The following RPS6KA2 variants were observed in gnomAD, a reference collection of about 807,000 sequenced individuals.
RPS6KA2 encodes ribosomal protein S6 kinase alpha-2.
RPS6KA2 carries 42 observed loss-of-function variants against 91.8 expected under a neutral mutation model. The ratio of observed to expected loss-of-function variants is 0.46; its 90% CI spans 0.36 to 0.59. RPS6KA2 has a LOEUF of 0.59. Among genes scored for constraint, RPS6KA2 ranks in the 20% least tolerant of loss-of-function variants. The probability of loss-of-function intolerance (pLI) is 0.00; values close to 1 mark genes in which losing one functional copy is unlikely to be tolerated. For synonymous variants in RPS6KA2, 414 were observed against 393.6 expected, an observed-to-expected ratio of 1.05 and a Z score of -0.61; for missense variants, 798 against 978.5, an observed-to-expected ratio of 0.82 and a Z score of 2.46.
At chr6:166,688,509 C>T (rs1789093733) in intron 2 of RPS6KA2, among the ~76,000 whole-genome samples, 1 of 152,208 alleles carries the variant, frequency 6.6e-6, no homozygotes, top group African/African-American at 2.4e-5. Context: ...GCCACGTGTG[C>T]CCCCTAGCAA....
chr6:166,728,588 G>GACTC (rs1315371691), intron 2 of RPS6KA2, among the ~76,000 whole-genome samples: 2 of 152,178 alleles, frequency 1.3e-5, no homozygotes, highest in Admixed American at 1.3e-4. Flanking sequence ...CCGTCAGCCA[G>GACTC]ACTCACACCC....
At chr6:166,754,738 A>C (rs1350065868) in intron 2 of RPS6KA2, among the ~76,000 whole-genome samples, 1 of 152,176 alleles carries the variant, frequency 6.6e-6, no homozygotes, top group Non-Finnish European at 1.5e-5. Context: ...TCAGATGCGG[A>C]AAATGACAAG....
At chr6:166,744,603 C>A (rs988811947) in intron 2 of RPS6KA2, among the ~76,000 whole-genome samples, 1 of 152,190 alleles carries the variant, frequency 6.6e-6, no homozygotes, top group Non-Finnish European at 1.5e-5. Flanking sequence ...GCAGCAGGGC[C>A]CACCCTGTGG....
At chr6:166,469,326 GTTTTTTTTT>G (rs60876703) in intron 11 of RPS6KA2, among the ~76,000 whole-genome samples, 1 of 137,782 alleles carries the variant, frequency 7.3e-6, no homozygotes, top group South Asian at 2.3e-4. Context: ...CGGCACTGTT[GTTTTTTTTT>G]TTTTTTTTTA....
intron 1 of RPS6KA2, among the ~76,000 whole-genome samples, chr6:166,545,011 C>T (rs1398576916): frequency 6.6e-6 from 1 of 152,088 alleles, no homozygotes; most frequent in Non-Finnish European, 1.5e-5. Context: ...AATAAATCTG[C>T]TACAAAATCA....
chr6:166,600,587 A>C (rs892052700), intron 1 of RPS6KA2, among the ~76,000 whole-genome samples: 1 of 152,258 alleles, frequency 6.6e-6, no homozygotes, highest in Non-Finnish European at 1.5e-5. Context: ...CAGGAAGTCC[A>C]CCTGATTATC....
intron 14 of RPS6KA2, among the ~76,000 whole-genome samples, chr6:166,438,024 C>G (rs993934002): frequency 1.3e-5 from 2 of 152,224 alleles, no homozygotes; most frequent in Non-Finnish European, 2.9e-5. Flanking sequence ...TTGCAGAACA[C>G]TCCCACTAGG....
rs7759493 is a variant in RPS6KA2, at chr6:166,498,231, C to T, written c.747+277G>A. 3.4e-4 allele frequency among the ~76,000 whole-genome samples: 52 copies of T among 152,336 alleles called. 1 individual carries two copies. The highest frequency in any genetic ancestry group is 2.8e-3 in the Admixed American group (43 of 15,304). On this transcript the variant is annotated intron_variant, in intron 8 of 20. Transcript: ENST00000265678. ...ATCATGGCATCTCTTGTAATCATCACGCTAAGCCCGAAGAGCACAAAGCAT... is the reference window on the plus strand; with the variant it reads ...ATCATGGCATCTCTTGTAATCATCATGCTAAGCCCGAAGAGCACAAAGCAT...
chr6:166,739,940 C>G (rs1243123952), intron 2 of RPS6KA2, among the ~76,000 whole-genome samples: 5 of 152,222 alleles, frequency 3.3e-5, no homozygotes, highest in African/African-American at 1.2e-4. Flanking sequence ...GTGGATGACA[C>G]CAGCACCTTC....
At chr6:166,473,541 T>C (rs1780849602) in intron 10 of RPS6KA2, among the ~76,000 whole-genome samples, 1 of 152,186 alleles carries the variant, frequency 6.6e-6, no homozygotes, top group Non-Finnish European at 1.5e-5. Context: ...CTCCATATTT[T>C]TCACGAGGTA....
chr6:166,649,633 T>C (rs368804366), intron 2 of RPS6KA2, among the ~76,000 whole-genome samples: 68 of 152,306 alleles, frequency 4.5e-4, no homozygotes, highest in African/African-American at 1.6e-3. Flanking sequence ...GAATTATACC[T>C]TACTCACTCA....
rs74783936 is a variant in RPS6KA2, at chr6:166,521,977, T to A, written c.298+9255A>T. ...AGAAATGAGACCCCAGAGAGCTCAT[T>A]CATGCCTTCCATCAAGTGAGGACAC... is the stretch of plus-strand genomic sequence containing the variant. On this transcript the variant is annotated intron_variant, in intron 3 of 20. Coordinates refer to ENST00000265678, the MANE Select transcript of RPS6KA2 (RefSeq NM_021135.6). 4.7e-3 allele frequency among the ~76,000 whole-genome samples: 715 copies of A among 152,272 alleles called. 3 individuals are homozygous for A. The highest frequency in any genetic ancestry group is 0.014 in the African/African-American group (602 of 41,534).
At chr6:166,846,230 A>C (rs1780601506) in intron 2 of RPS6KA2, among the ~76,000 whole-genome samples, 1 of 22,660 alleles carries the variant, frequency 4.4e-5, no homozygotes, top group Admixed American at 4.0e-4. Context: ...AATTGCCAAC[A>C]AAAAAAAAGT....
chr6:166,770,749 T>A lies in RPS6KA2; in HGVS notation c.123+87451A>T, dbSNP rs557737338. The A allele has an allele frequency of 2.0e-6, 2 of 1,019,332 alleles. No individual in the cohort carries two copies. The highest frequency in any genetic ancestry group is 1.5e-5 in the South Asian group (1 of 64,912). 63.1% of individuals were successfully genotyped at this position (1,019,332 alleles called of 1,614,324 possible). ...CTCTTCGCACCTTGCCTTGCTGGACTCCGGGCACCGTGAAACAACTCAATA... is the reference window on the plus strand; with the variant it reads ...CTCTTCGCACCTTGCCTTGCTGGACACCGGGCACCGTGAAACAACTCAATA... On this transcript the variant is annotated intron_variant, in intron 2 of 21. Transcript: ENST00000503859. This position sits in a 1 kb window ranked among gnomAD's most constrained non-coding sequence, Gnocchi z 5.1.
chr6:166,471,653 C>T (rs913794242), intron 10 of RPS6KA2, among the ~76,000 whole-genome samples: 3 of 152,238 alleles, frequency 2.0e-5, no homozygotes, highest in Non-Finnish European at 2.9e-5. Context: ...CTCAGTCATC[C>T]GATGCACAAT....
intron 10 of RPS6KA2, among the ~76,000 whole-genome samples, chr6:166,471,091 A>C (rs1780750572): frequency 6.6e-6 from 1 of 151,874 alleles, no homozygotes; most frequent in East Asian, 1.9e-4. Flanking sequence ...TCCGCTGCCA[A>C]CTCCTAACGG....
chr6:166,591,407 G>A (rs1279264418), intron 1 of RPS6KA2, among the ~76,000 whole-genome samples: 1 of 152,208 alleles, frequency 6.6e-6, no homozygotes, highest in East Asian at 1.9e-4. Flanking sequence ...CGTGTTGCAT[G>A]TCTTGACTTG....
chr6:166,468,875 AAGAC>A (rs1780644193), intron 11 of RPS6KA2, among the ~76,000 whole-genome samples: 2 of 151,278 alleles, frequency 1.3e-5, no homozygotes, highest in Non-Finnish European at 2.9e-5. Flanking sequence ...AAAAAAAAAG[AAGAC>A]AGAGAGGAAA....
At position 166,419,468 on chromosome 6, in the gene RPS6KA2, C is replaced by T. The variant is rs972182457; in HGVS notation, c.1820+414G>A. Among the ~76,000 whole-genome samples, 7 of 152,178 alleles carry T rather than the reference C, an allele frequency of 4.6e-5. No homozygotes were observed. The East Asian group carries it at 5.8e-4, about 13-fold the overall frequency. On this transcript the variant is annotated intron_variant, in intron 18 of 20. Transcript: ENST00000265678. The surrounding 1 kb of genome is among the most constrained non-coding windows in gnomAD (Gnocchi z 5.6). Reference sequence around the variant, plus strand: ...CGTGTCTTACCACAATGAACCGGCCCGTGCATGACTCATGACCACGAAACC... The same window carrying T: ...CGTGTCTTACCACAATGAACCGGCCTGTGCATGACTCATGACCACGAAACC...
Sources: gnomAD v4.1 joint callset for allele counts (sites outside exome capture counted in the v4.1 genomes callset) on GRCh38, gnomAD v4.1.1 for gene constraint, Gnocchi (gnomAD v3.1) non-coding constraint, MANE v1.5 for transcripts, NCBI Gene and HGNC (gene_info 2026-07-23, HGNC 2026-07-21) for gene names.